Variants in GULP1 observed in about 807,000 individuals in gnomAD.
The protein encoded by GULP1 is PTB domain-containing engulfment adapter protein 1.
A neutral mutation model predicts 40.9 loss-of-function variants in GULP1; 19 were observed. That is an observed-to-expected ratio of 0.46 (90% CI 0.32 to 0.68). The LOEUF is 0.68. Among genes scored for constraint, GULP1 ranks in the 30% least tolerant of loss-of-function variants. The pLI, the probability that GULP1 is intolerant of heterozygous loss-of-function variation, is 0.03. For synonymous variants in GULP1, 119 were observed against 117.6 expected, an observed-to-expected ratio of 1.01 and a Z score of -0.08; for missense variants, 312 against 362.2, an observed-to-expected ratio of 0.86 and a Z score of 1.12.
chr2:188,406,717 A>G (rs949719410), intron 2 of GULP1, among the ~76,000 whole-genome samples: 3 of 152,100 alleles, frequency 2.0e-5, no homozygotes, highest in Non-Finnish European at 2.9e-5. Context: ...ATATTACAAG[A>G]CTTATGGGAC....
chr2:188,436,209 A>AT (rs2057391204), intron 2 of GULP1, among the ~76,000 whole-genome samples: 3 of 151,882 alleles, frequency 2.0e-5, no homozygotes, highest in Admixed American at 6.6e-5. Context: ...TTTGTTGTAG[A>AT]TTTTGTTCCT....
intron 1 of GULP1, among the ~76,000 whole-genome samples, chr2:188,298,996 T>C (rs372509755): frequency 9.2e-5 from 14 of 152,278 alleles, no homozygotes; most frequent in African/African-American, 3.1e-4. Context: ...ATGCAGCTAG[T>C]CCCTACTGCT....
At chr2:188,566,590 G>A (rs181161656) in intron 7 of GULP1, among the ~76,000 whole-genome samples, 43 of 151,922 alleles carry the variant, frequency 2.8e-4, no homozygotes, top group Non-Finnish European at 2.9e-5. Flanking sequence ...GTGGTCAGGA[G>A]TTCAAGACCA....
At chr2:188,477,162 A>C (rs369789479) in intron 2 of GULP1, among the ~76,000 whole-genome samples, 63 of 152,140 alleles carry the variant, frequency 4.1e-4, no homozygotes, top group African/African-American at 1.5e-3. Flanking sequence ...TACTGTGCCA[A>C]GTACTTTCAT....
At chr2:188,540,270 GT>G (rs1343895270) in intron 6 of GULP1, among the ~76,000 whole-genome samples, 1 of 151,962 alleles carries the variant, frequency 6.6e-6, no homozygotes, top group East Asian at 1.9e-4. Context: ...TCAGAAGACT[GT>G]GAAGAATGAA....
chr2:188,385,508 A>C (rs950363862), intron 2 of GULP1, among the ~76,000 whole-genome samples: 29 of 152,194 alleles, frequency 1.9e-4, no homozygotes, highest in African/African-American at 7.0e-4. Context: ...CTTGATGATT[A>C]ACATTTGGCT....
chr2:188,395,247 T>A (rs1042692146), intron 2 of GULP1, among the ~76,000 whole-genome samples: 1 of 152,182 alleles, frequency 6.6e-6, no homozygotes, highest in Non-Finnish European at 1.5e-5. Flanking sequence ...GACTCAGTAT[T>A]TTGGCTATTC....
intron 7 of GULP1, among the ~76,000 whole-genome samples, chr2:188,545,691 A>C (rs571002528): frequency 6.6e-6 from 1 of 152,026 alleles, no homozygotes; most frequent in East Asian, 1.9e-4. Context: ...AGGTAACAGA[A>C]AAGAAAAAGA....
At chr2:188,522,583 G>A (rs1186221688) in intron 4 of GULP1, among the ~76,000 whole-genome samples, 173 bp from the exon 5 acceptor site, 1 of 151,484 alleles carries the variant, frequency 6.6e-6, no homozygotes, top group Admixed American at 6.6e-5. Context: ...AAATGATAAA[G>A]TTTAGTTACA....
At chr2:188,319,339 A>G (rs527712513) in intron 1 of GULP1, among the ~76,000 whole-genome samples, 2 of 152,322 alleles carry the variant, frequency 1.3e-5, no homozygotes, top group African/African-American at 4.8e-5. Context: ...CCTCAGAGGT[A>G]AAAACAATAG....
chr2:188,298,686 C>G (rs1183135577), intron 1 of GULP1, among the ~76,000 whole-genome samples: 1 of 152,096 alleles, frequency 6.6e-6, no homozygotes, highest in Non-Finnish European at 1.5e-5. Flanking sequence ...AAAGGAAGAA[C>G]TACTAAATTT....
chr2:188,586,263 A>AAGTGAGT (rs1338423605), intron 10 of GULP1, among the ~76,000 whole-genome samples: 1 of 152,208 alleles, frequency 6.6e-6, no homozygotes, highest in Non-Finnish European at 1.5e-5. Context: ...TAATCTATAT[A>AAGTGAGT]AGTGAGTCAC....
chr2:188,590,926 C>A (rs902994871), intron 11 of GULP1: 79 of 151,876 alleles, frequency 5.2e-4, no homozygotes, highest in African/African-American at 1.8e-3. Flanking sequence ...CAGAAGTAAT[C>A]AACATTTTAA....
In GULP1 at chr2:188,292,775, G is replaced by A. The variant is rs1574143827; in HGVS notation, c.-172+609G>A. 6.6e-6 allele frequency: 1 copy of A among 152,616 alleles called. No homozygotes were observed. Among genetic ancestry groups the A allele is most frequent in the East Asian group, 1.9e-4 (1 of 5,172 alleles). The allele number at this position is 152,616 out of a possible 1,614,324, so 9.5% of individuals were successfully genotyped here. ...AAGCTCAGAGCTGGGAGGGCCCAAA[G>A]GAAGGGGCGGCGTCCACATGGTTAC... is the stretch of plus-strand genomic sequence containing the variant. On this transcript the variant is annotated intron_variant, in intron 1 of 11. Transcript: ENST00000409830. The surrounding 1 kb of genome is among the most constrained non-coding windows in gnomAD (Gnocchi z 4.0).
chr2:188,305,142 C>T (rs567614720), intron 1 of GULP1, among the ~76,000 whole-genome samples: 7 of 152,130 alleles, frequency 4.6e-5, no homozygotes, highest in Non-Finnish European at 8.8e-5. Flanking sequence ...GCTGAAGCAG[C>T]TTACAGAACT....
intron 2 of GULP1, among the ~76,000 whole-genome samples, chr2:188,433,250 T>C (rs1478917452): frequency 6.6e-6 from 1 of 152,110 alleles, no homozygotes; most frequent in African/African-American, 2.4e-5. Context: ...TCATTCTCTT[T>C]GTCTTTCTTC....
chr2:188,500,279 G>A (rs2063312614), intron 4 of GULP1, among the ~76,000 whole-genome samples: 1 of 151,838 alleles, frequency 6.6e-6, no homozygotes, highest in Non-Finnish European at 1.5e-5. Flanking sequence ...GAAATATAAG[G>A]TTACTTTCTT....
At chr2:188,403,082 C>G (rs1246445551) in intron 2 of GULP1, among the ~76,000 whole-genome samples, 1 of 152,068 alleles carries the variant, frequency 6.6e-6, no homozygotes, top group Non-Finnish European at 1.5e-5. Flanking sequence ...ATGTCAAACA[C>G]CTAGTCAGTA....
At chr2:188,347,927 T>A (rs1209270499) in intron 1 of GULP1, among the ~76,000 whole-genome samples, 1 of 152,142 alleles carries the variant, frequency 6.6e-6, no homozygotes, top group African/African-American at 2.4e-5. Context: ...CTCAAAGCAT[T>A]TTTGTTTGTT....
Sources: allele counts gnomAD v4.1 joint callset (sites outside exome capture counted in the v4.1 genomes callset), GRCh38; gene constraint gnomAD v4.1.1; non-coding constraint Gnocchi (gnomAD v3.1); transcripts MANE v1.5; gene names NCBI Gene and HGNC (gene_info 2026-07-23, HGNC 2026-07-21).